The following PCDHGB4 variants were observed in gnomAD, a reference collection of about 807,000 sequenced individuals.
PCDHGB4 encodes protocadherin gamma subfamily B, 4.
A neutral mutation model predicts 60.5 loss-of-function variants in PCDHGB4; 38 were observed. The observed-to-expected ratio is 0.63, with a 90% CI of 0.48 to 0.82. The LOEUF (loss-of-function observed/expected upper bound fraction) is 0.82, where lower values mean the gene tolerates loss of function less well. PCDHGB4 is among the 40% of genes least tolerant of loss of function. The pLI is 0.00. For missense variants in PCDHGB4, 1,109 were observed against 1,209.6 expected, an observed-to-expected ratio of 0.92 and a Z score of 1.23; for synonymous variants, 456 against 509.7, an observed-to-expected ratio of 0.89 and a Z score of 1.42.
chr5:141,444,376 G>A (rs977995642), intron 1 of PCDHGB4, among the ~76,000 whole-genome samples: 1 of 151,796 alleles, frequency 6.6e-6, no homozygotes, highest in Non-Finnish European at 1.5e-5. Flanking sequence ...TCTCCATGTT[G>A]GTCAGGCTAG....
intron 1 of PCDHGB4, chr5:141,412,443 T>C (rs1479281650): frequency 6.6e-6 from 1 of 152,204 alleles, no homozygotes; most frequent in Non-Finnish European, 1.5e-5. Context: ...TAATTAAGGC[T>C]CAGTAAAACT....
At chr5:141,412,139 T>C (rs1380576842) in intron 1 of PCDHGB4, 1 of 152,250 alleles carries the variant, frequency 6.6e-6, no homozygotes, top group Non-Finnish European at 1.5e-5. Flanking sequence ...TGGCCTCTGA[T>C]ACAAACTGCC....
At chr5:141,395,067 A>G (rs1200049263) in intron 1 of PCDHGB4, 4 of 1,613,888 alleles carry the variant, frequency 2.5e-6, no homozygotes, top group South Asian at 1.1e-5. Context: ...TTTCCTGCAG[A>G]CCTATTCCCA....
In PCDHGB4 at chr5:141,431,019, C is replaced by A. The variant is rs1368671750; in HGVS notation, c.2397+40738C>A. 1 of 1,613,488 alleles carries A rather than the reference C, an allele frequency of 6.2e-7. No individual in the cohort carries two copies. The highest frequency in any genetic ancestry group is 1.7e-5 in the Admixed American group (1 of 59,968). ...CCGCGCAGCGGCAGCTTGGTCACGG[C>A]GGGCAGGATAGACCGGGAGGAGCTC... On this transcript the variant is annotated intron_variant, in intron 1 of 3. Transcript: ENST00000519479. The surrounding 1 kb of genome is among the most constrained non-coding windows in gnomAD (Gnocchi z 4.8).
At chr5:141,498,958 A>T (rs1200201746) in intron 2 of PCDHGB4, among the ~76,000 whole-genome samples, 2 of 123,248 alleles carry the variant, frequency 1.6e-5, no homozygotes, top group Admixed American at 1.8e-4. Flanking sequence ...AAAGAGAGAG[A>T]GGGAGGGAGG....
At chr5:141,481,963 TA>T (rs1158466251) in intron 1 of PCDHGB4, among the ~76,000 whole-genome samples, 1 of 148,746 alleles carries the variant, frequency 6.7e-6, no homozygotes, top group Non-Finnish European at 1.5e-5. Context: ...CAGGTGCCTG[TA>T]GTCACAGCTA....
chr5:141,414,193 A>C, intron 1 of PCDHGB4: 1 of 1,610,884 alleles, frequency 6.2e-7, no homozygotes, highest in Admixed American at 1.7e-5. Context: ...AGTGTTGATT[A>C]CAGTAGAAGA....
At position 141,485,359 on chromosome 5, in the gene PCDHGB4, C is replaced by G. The variant is rs1233826208; in HGVS notation, c.2398-9448C>G. 6.2e-7 allele frequency: 1 copy of G among 1,614,026 alleles called. No individual in the cohort carries two copies. The highest frequency in any genetic ancestry group is 8.5e-7 in the Non-Finnish European group (1 of 1,180,018). On this transcript the variant is annotated intron_variant, in intron 1 of 3. Transcript: ENST00000519479. This position sits in a 1 kb window ranked among gnomAD's most constrained non-coding sequence, Gnocchi z 5.7. ...TGGATACGGACAGTCTGTCAGCTCG[C>G]AGGCTGCAGGTCGCTGGAGAGGTGA...
Position 141,489,829 on chromosome 5 carries a change from G to T in PCDHGB4, c.2398-4978G>T, listed in dbSNP as rs1445416879. 6.2e-7 allele frequency: 1 copy of T among 1,614,076 alleles called. No individual in the cohort carries two copies. Among genetic ancestry groups the T allele is most frequent in the South Asian group, 1.1e-5 (1 of 91,070 alleles). ...GAAGCCATTCCCAGAGCTGGTGCTA[G>T]AGCAGCAGCTGGATCGTGAAGCCCA... On this transcript the variant is annotated intron_variant, in intron 1 of 3. Coordinates refer to ENST00000519479, the MANE Select transcript of PCDHGB4 (RefSeq NM_003736.4). The surrounding 1 kb of genome is among the most constrained non-coding windows in gnomAD (Gnocchi z 4.5).
chr5:141,460,951 GTA>G (rs200454978), intron 1 of PCDHGB4, among the ~76,000 whole-genome samples: 208 of 139,744 alleles, frequency 1.5e-3, no homozygotes, highest in South Asian at 4.3e-3. Flanking sequence ...TATGTATTAT[GTA>G]TATATATATG....
intron 1 of PCDHGB4, chr5:141,404,392 T>C (rs759142051): frequency 3.1e-6 from 5 of 1,613,820 alleles, no homozygotes; most frequent in African/African-American, 1.3e-5. Flanking sequence ...ATGACCCTGA[T>C]AGCAATGAGA....
chr5:141,505,645 G>A (rs997169182), intron 3 of PCDHGB4, 164 bp downstream of exon 3: 2 of 964,274 alleles, frequency 2.1e-6, no homozygotes, highest in African/African-American at 1.8e-5. Flanking sequence ...GCCTGGAATT[G>A]TGGCTAAGGA....
intron 1 of PCDHGB4, chr5:141,398,701 C>G (rs757215015): frequency 6.2e-7 from 1 of 1,613,658 alleles, no homozygotes; most frequent in African/African-American, 1.3e-5. Flanking sequence ...TAGTAAATAC[C>G]CGGAACTGGC....
Position 141,489,802 on chromosome 5 carries a change from G to A in PCDHGB4, c.2398-5005G>A, listed in dbSNP as rs2099692541. On this transcript the variant is annotated intron_variant, in intron 1 of 3. Transcript: ENST00000519479. The surrounding 1 kb of genome is among the most constrained non-coding windows in gnomAD (Gnocchi z 4.5). ...TCTGAATGTGAAGACCCTAAAAGAT[G>A]GGAAGCCATTCCCAGAGCTGGTGCT... is the stretch of plus-strand genomic sequence containing the variant. 6.2e-7 allele frequency: 1 copy of A among 1,614,042 alleles called. No homozygotes were observed. The highest frequency in any genetic ancestry group is 1.1e-5 in the South Asian group (1 of 91,088).
intron 1 of PCDHGB4, among the ~76,000 whole-genome samples, chr5:141,472,147 G>T (rs2099272889): frequency 6.6e-6 from 1 of 152,112 alleles, no homozygotes; most frequent in South Asian, 2.1e-4. Flanking sequence ...AAAGTTTCAT[G>T]GTTACATAGC....
In PCDHGB4 at chr5:141,404,421, C is replaced by G. The variant is rs199749783; in HGVS notation, c.2397+14140C>G. On this transcript the variant is annotated intron_variant, in intron 1 of 3. Coordinates refer to ENST00000519479, the MANE Select transcript of PCDHGB4 (RefSeq NM_003736.4). ...AATGAGAATTCTAGAGTTATTTACT[C>G]CTTGGCAGAGGATACCATCCAAGGG... 462 of 1,613,692 alleles carry G rather than the reference C, an allele frequency of 2.9e-4. 1 individual carries two copies. The African/African-American group carries it at 5.5e-3, about 19-fold the overall frequency.
rs1349189547 is a variant in PCDHGB4 at position 141,432,777 on chromosome 5, C to T, written c.2397+42496C>T. Reference sequence around the variant, plus strand: ...GCCGACAGCATCCCCCAAGTCCTGGCGGACCTCGGCAGCCTCGAGTCTCCA... The same window carrying T: ...GCCGACAGCATCCCCCAAGTCCTGGTGGACCTCGGCAGCCTCGAGTCTCCA... On this transcript the variant is annotated intron_variant, in intron 1 of 3. Coordinates refer to ENST00000519479, the MANE Select transcript of PCDHGB4 (RefSeq NM_003736.4). This position sits in a 1 kb window ranked among gnomAD's most constrained non-coding sequence, Gnocchi z 6.0. The T allele has an allele frequency of 6.2e-6, 10 of 1,614,154 alleles. No individual in the cohort carries two copies. The highest frequency in any genetic ancestry group is 7.6e-6 in the Non-Finnish European group (9 of 1,179,992).
chr5:141,420,845 G>T (rs1038454602), intron 1 of PCDHGB4, among the ~76,000 whole-genome samples: 4 of 152,200 alleles, frequency 2.6e-5, no homozygotes, highest in Non-Finnish European at 4.4e-5. Context: ...GGTGTTCTTG[G>T]TAAAGTTTTA....
intron 1 of PCDHGB4, chr5:141,422,014 C>A: frequency 6.2e-7 from 1 of 1,610,158 alleles, no homozygotes; most frequent in Non-Finnish European, 8.5e-7. Flanking sequence ...AACTCGGGTG[C>A]TGATGGTTAA....
Sources: allele counts gnomAD v4.1 joint callset (sites outside exome capture counted in the v4.1 genomes callset), GRCh38; gene constraint gnomAD v4.1.1; non-coding constraint Gnocchi (gnomAD v3.1); transcripts MANE v1.5; gene names NCBI Gene and HGNC (gene_info 2026-07-23, HGNC 2026-07-21).